Variants in SYCP2 observed in about 807,000 individuals in gnomAD.
SYCP2 encodes the protein synaptonemal complex lateral element protein.
In SYCP2, 55 loss-of-function variants were observed where a neutral mutation model predicts 211.3. The observed-to-expected ratio is 0.26, with a 90% CI of 0.21 to 0.33. SYCP2 has a LOEUF of 0.33. SYCP2 is among the 10% of genes least tolerant of loss of function. The probability of loss-of-function intolerance (pLI) is 1.00; values close to 1 mark genes in which losing one functional copy is unlikely to be tolerated. For missense variants in SYCP2, 1,731 were observed against 1,752.0 expected (o/e 0.99, Z 0.21); for synonymous variants, 570 against 555.2 (o/e 1.03, Z -0.37).
intron 26 of SYCP2, among the ~76,000 whole-genome samples, chr20:59,884,395 A>G (rs2059746107): frequency 6.6e-6 from 1 of 152,078 alleles, no homozygotes; most frequent in Non-Finnish European, 1.5e-5. Context: ...GCAAAAAAAG[A>G]AGTTAAATAA....
At chr20:59,900,879 T>C (rs2060103668) in intron 16 of SYCP2, 61 bp from the exon 17 acceptor site, 4 of 1,195,106 alleles carry the variant, frequency 3.3e-6, no homozygotes, top group African/African-American at 1.5e-5. Context: ...CTTTTTCATA[T>C]GTCATTTTAT....
chr20:59,885,596 A>G (rs1364456227), intron 26 of SYCP2, among the ~76,000 whole-genome samples: 1 of 152,164 alleles, frequency 6.6e-6, no homozygotes, highest in Non-Finnish European at 1.5e-5. Context: ...GAACTTCAGT[A>G]GGATCTAATT....
intron 3 of SYCP2, 75 bp from the exon 4 acceptor site, chr20:59,921,528 G>A (rs951440293): frequency 1.6e-4 from 180 of 1,126,556 alleles, no homozygotes; most frequent in Non-Finnish European, 2.1e-4. Context: ...AGTAATTTGA[G>A]AACCGTTTTC....
At chr20:59,903,093 C>T (rs1329106625) in intron 15 of SYCP2, among the ~76,000 whole-genome samples, 3 of 151,904 alleles carry the variant, frequency 2.0e-5, no homozygotes, top group South Asian at 2.1e-4. Context: ...TGCTTTGTGC[C>T]TATTTGTACA....
At chr20:59,925,025 G>A (rs2060609208) in intron 2 of SYCP2, among the ~76,000 whole-genome samples, 1 of 151,988 alleles carries the variant, frequency 6.6e-6, no homozygotes, top group Non-Finnish European at 1.5e-5. Context: ...AATGAAAATT[G>A]AGAACAATTA....
At chr20:59,899,762 G>C (rs369513678) in intron 18 of SYCP2, among the ~76,000 whole-genome samples, 1 of 151,790 alleles carries the variant, frequency 6.6e-6, no homozygotes. Context: ...GAAAAGAAAA[G>C]GAGTAAAAGA....
intron 14 of SYCP2, 32 bp downstream of exon 14, chr20:59,911,718 A>G (rs771347596): frequency 2.0e-5 from 22 of 1,110,842 alleles, no homozygotes; most frequent in African/African-American, 3.2e-5. Context: ...ATGCATATAC[A>G]TAAAGAATAA....
chr20:59,900,424 T>TA, intron 17 of SYCP2, 140 bp from the exon 18 acceptor site: 1 of 824,088 alleles, frequency 1.2e-6, no homozygotes, highest in South Asian at 2.1e-5. Flanking sequence ...TTATAATTTT[T>TA]ACAAAGTGAT....
chr20:59,880,952 A>C lies in SYCP2; in HGVS notation c.2772+14T>G, dbSNP rs1269294992. The C allele has an allele frequency of 2.4e-6, 3 of 1,241,994 alleles. No homozygotes were observed. In the African/African-American group the frequency reaches 4.5e-5, roughly 19 times the overall value. The allele number at this position is 1,241,994 out of a possible 1,614,324, so 76.9% of individuals were successfully genotyped here. A position where few individuals can be genotyped will look rare whatever the true frequency, so the allele number is the denominator to read the frequency against. On this transcript the variant is annotated intron_variant, in intron 30 of 44. Transcript: ENST00000357552. ...TACTACTTCTAATAGACATATTGAG[A>C]TATTATAACTTACTTTTTTATCTTT...
chr20:59,925,345 A>T (rs1158682180), intron 2 of SYCP2, among the ~76,000 whole-genome samples: 1 of 152,082 alleles, frequency 6.6e-6, no homozygotes, highest in Admixed American at 6.6e-5. Context: ...CATCTTGCAC[A>T]TGTAGCCCAG....
At position 59,896,461 on chromosome 20, in the gene SYCP2, G is replaced by C; in HGVS notation, c.1472C>G (p.Thr491Ser). ...GCTGAAAAGCACTGGACTTCTCATA[G>C]TGTATCTATCTGCACCAGAAACAAT... ...SMIVSGADRYTMRSPVLFSNT... is the reference protein window; with the variant it reads ...SMIVSGADRYSMRSPVLFSNT... Residue 491 changes from threonine (T) to serine (S), a missense_variant, in exon 19 of 45, where the codon ACT becomes AGT. Physicochemically the swap from Thr to Ser is moderately conservative, Grantham distance 58. This residue lies in a region of SYCP2 where 1,387 missense variants were observed against 1,351.3 expected (regional missense o/e 1.03). Transcript: ENST00000357552. 6.2e-7 allele frequency: 1 copy of C among 1,606,294 alleles called. No homozygotes were observed. Among genetic ancestry groups the C allele is most frequent in the Non-Finnish European group, 8.5e-7 (1 of 1,174,638 alleles).
rs2059664432 is a variant in SYCP2, at chr20:59,880,876, G to A, written c.2772+90C>T. The stretch of plus-strand genomic sequence containing the variant: ...GTTGCATAAATAAAACAATCAAAAT[G>A]TTTTTGTTTTCTTGTTTTTGATAAT... On this transcript the variant is annotated intron_variant, in intron 30 of 44. Transcript: ENST00000357552. The A allele has an allele frequency of 1.4e-5, 9 of 636,892 alleles. No individual in the cohort carries two copies. In the South Asian group the frequency reaches 2.2e-4, roughly 15 times the overall value. 39.5% of individuals were successfully genotyped at this position (636,892 alleles called of 1,614,324 possible).
chr20:59,886,938 T>C, intron 24 of SYCP2, 104 bp from the exon 25 acceptor site: 1 of 831,726 alleles, frequency 1.2e-6, no homozygotes, highest in South Asian at 1.9e-5. Context: ...TATTTATACC[T>C]GCGGAGAGAA....
chr20:59,933,138 C>G (rs2060801363), intron 1 of SYCP2: 1 of 152,684 alleles, frequency 6.5e-6, no homozygotes. Flanking sequence ...GCCACCGCTT[C>G]TCCCGCACCC....
chr20:59,908,478 C>G (rs1212449855), intron 14 of SYCP2, among the ~76,000 whole-genome samples: 1 of 152,094 alleles, frequency 6.6e-6, no homozygotes, highest in African/African-American at 2.4e-5. Context: ...AAGTTTTCCC[C>G]AAGGCTTTGA....
At position 59,922,447 on chromosome 20, in the gene SYCP2, A is replaced by C; in HGVS notation, c.-34T>G. 7.1e-7 allele frequency: 1 copy of C among 1,406,428 alleles called. No individual in the cohort carries two copies. The highest frequency in any genetic ancestry group is 9.8e-7 in the Non-Finnish European group (1 of 1,021,538). The allele number at this position is 1,406,428 out of a possible 1,614,324, so 87.1% of individuals were successfully genotyped here. A position where few individuals can be genotyped will look rare whatever the true frequency, so the allele number is the denominator to read the frequency against. Reference sequence around the variant, plus strand: ...CATTTAAAAAAAAAAAAAAAGCAAGACAAAATAAACACCTATAAAAGAAAA... The same window carrying C: ...CATTTAAAAAAAAAAAAAAAGCAAGCCAAAATAAACACCTATAAAAGAAAA... On this transcript the variant is annotated 5_prime_UTR_variant, in exon 3 of 45. Transcript: ENST00000357552.
chr20:59,916,444 G>A (rs1443428348), intron 8 of SYCP2, 42 bp downstream of exon 8: 14 of 1,164,022 alleles, frequency 1.2e-5, no homozygotes, highest in Admixed American at 7.4e-5. Context: ...TTTTCTTCAC[G>A]TTCTCATTTT....
At chr20:59,910,154 G>T (rs950707274) in intron 14 of SYCP2, among the ~76,000 whole-genome samples, 1 of 152,072 alleles carries the variant, frequency 6.6e-6, no homozygotes, top group Admixed American at 6.6e-5. Flanking sequence ...AAGGATTCAA[G>T]GAGCCACTGT....
In SYCP2 at chr20:59,892,615, C is replaced by T. The variant is rs753798405; in HGVS notation, c.1880G>A (p.Cys627Tyr). Reference sequence around the variant, plus strand: ...CGAAGTACTTGCTCTTTGGTTATTACATAGTTCAATGTTTGTTACAGGTGT... The same window carrying T: ...CGAAGTACTTGCTCTTTGGTTATTATATAGTTCAATGTTTGTTACAGGTGT... ...CWTPVTNIELCNNQRASTSSG... is the reference protein window; with the variant it reads ...CWTPVTNIELYNNQRASTSSG... Residue 627 changes from cysteine to tyrosine, a missense_variant, in exon 23 of 45, where the codon TGT becomes TAT. Physicochemically the swap from Cys to Tyr is radical, Grantham distance 194. Transcript: ENST00000357552. 9.3e-6 allele frequency: 15 copies of T among 1,610,140 alleles called. No individual in the cohort carries two copies. In the South Asian group the frequency reaches 1.5e-4, roughly 17 times the overall value.
Sources: allele counts gnomAD v4.1 joint callset (sites outside exome capture counted in the v4.1 genomes callset), GRCh38; gene constraint gnomAD v4.1.1; regional missense constraint gnomAD v4.1.1; transcripts MANE v1.5; gene names NCBI Gene and HGNC (gene_info 2026-07-23, HGNC 2026-07-21).